PIP5K1B: variants seen among roughly 807,000 people sequenced by gnomAD.
The protein encoded by PIP5K1B is phosphatidylinositol 4-phosphate 5-kinase type-1 beta.
A neutral mutation model predicts 67.0 loss-of-function variants in PIP5K1B; 42 were observed. The ratio of observed to expected loss-of-function variants is 0.63; its 90% CI spans 0.49 to 0.81. The LOEUF (loss-of-function observed/expected upper bound fraction) is 0.81. Among genes scored for constraint, PIP5K1B ranks in the 30% least tolerant of loss-of-function variants. PIP5K1B has a pLI of 0.00. For synonymous variants in PIP5K1B, 214 were observed against 231.4 expected, an observed-to-expected ratio of 0.92 and a Z score of 0.68; for missense variants, 459 against 646.3, an observed-to-expected ratio of 0.71 and a Z score of 3.14.
chr9:68,783,877 T>C (rs1831450603), intron 2 of PIP5K1B: 1 of 167,090 alleles, frequency 6.0e-6, no homozygotes, highest in Non-Finnish European at 1.5e-5. Flanking sequence ...ATCTCCCAGC[T>C]GAACGCTTTT....
chr9:68,801,939 C>T (rs1832625038), intron 2 of PIP5K1B, among the ~76,000 whole-genome samples: 2 of 152,212 alleles, frequency 1.3e-5, no homozygotes, highest in Non-Finnish European at 2.9e-5. Context: ...GTTACCATCA[C>T]AGAAAACAGC....
intron 4 of PIP5K1B, among the ~76,000 whole-genome samples, chr9:68,852,627 G>A (rs1322638767): frequency 6.6e-6 from 1 of 152,188 alleles, no homozygotes; most frequent in East Asian, 1.9e-4. Context: ...AGGGCACAGA[G>A]CAGGGTGAAG....
chr9:68,784,139 G>C (rs1831470397), intron 2 of PIP5K1B: 1 of 167,062 alleles, frequency 6.0e-6, no homozygotes, highest in African/African-American at 2.4e-5. Flanking sequence ...AAGGTTCTAA[G>C]GGCATGTGGA....
intron 15 of PIP5K1B, among the ~76,000 whole-genome samples, chr9:69,003,478 A>AG (rs67726971): frequency 7.0e-6 from 1 of 142,204 alleles, no homozygotes; most frequent in African/African-American, 2.6e-5. Flanking sequence ...AAAAAAAAAA[A>AG]GGGGGGGGGA....
intron 2 of PIP5K1B, among the ~76,000 whole-genome samples, chr9:68,806,593 G>A (rs777659168): frequency 6.6e-6 from 1 of 152,142 alleles, no homozygotes. Context: ...CTAGCCCGCC[G>A]CTAATCATCC....
chr9:68,861,358 T>A (rs949396901), intron 4 of PIP5K1B, among the ~76,000 whole-genome samples: 1 of 152,230 alleles, frequency 6.6e-6, no homozygotes, highest in African/African-American at 2.4e-5. Context: ...TCTGGGGACA[T>A]GACCGTCATC....
intron 1 of PIP5K1B, among the ~76,000 whole-genome samples, chr9:68,708,528 T>C (rs1056945974): frequency 1.5e-5 from 2 of 135,426 alleles, no homozygotes; most frequent in Non-Finnish European, 3.1e-5. Context: ...TATGTTATGC[T>C]CTTTTGTTTG....
intron 6 of PIP5K1B, among the ~76,000 whole-genome samples, chr9:68,888,320 GC>G (rs770890317): frequency 3.3e-5 from 5 of 152,176 alleles, no homozygotes; most frequent in African/African-American, 1.2e-4. Flanking sequence ...CTAGCCCAGA[GC>G]TGCATCTACC....
intron 2 of PIP5K1B, among the ~76,000 whole-genome samples, chr9:68,817,708 C>T (rs113778653): frequency 7.1e-6 from 1 of 141,794 alleles, no homozygotes; most frequent in African/African-American, 2.6e-5. Context: ...GATAAGACCT[C>T]ATTCTTTTTT....
intron 15 of PIP5K1B, among the ~76,000 whole-genome samples, chr9:69,005,857 T>C (rs1244794154): frequency 6.6e-6 from 1 of 151,708 alleles, no homozygotes; most frequent in Non-Finnish European, 1.5e-5. Context: ...AACTGCTCCT[T>C]CTTTAGTGAC....
At chr9:68,840,514 C>A (rs1459255253) in intron 4 of PIP5K1B, among the ~76,000 whole-genome samples, 1 of 152,168 alleles carries the variant, frequency 6.6e-6, no homozygotes, top group Non-Finnish European at 1.5e-5. Flanking sequence ...ATTTAGTATT[C>A]TTCTGGCTGG....
chr9:68,823,699 CTA>C (rs1300510690), intron 4 of PIP5K1B, among the ~76,000 whole-genome samples: 8 of 152,148 alleles, frequency 5.3e-5, no homozygotes, highest in South Asian at 2.1e-4. Context: ...AAAGTTCTTG[CTA>C]TTTTGCCCTC....
chr9:68,760,425 G>A (rs778724585), intron 2 of PIP5K1B, among the ~76,000 whole-genome samples: 1 of 152,128 alleles, frequency 6.6e-6, no homozygotes, highest in Non-Finnish European at 1.5e-5. Context: ...ACAGTGAAAC[G>A]TGGGAGTTAA....
intron 2 of PIP5K1B, among the ~76,000 whole-genome samples, chr9:68,811,968 G>A (rs556123192): frequency 1.1e-4 from 16 of 152,274 alleles, no homozygotes; most frequent in Middle Eastern, 3.4e-3. Context: ...GGCCCCAGAA[G>A]CTGAATTTTC....
At position 68,840,644 on chromosome 9, in the gene PIP5K1B, A is replaced by G. The variant is rs960258416; in HGVS notation, c.69+17961A>G. On this transcript the variant is annotated intron_variant, in intron 4 of 15. Coordinates refer to ENST00000265382, the MANE Select transcript of PIP5K1B (RefSeq NM_003558.4). ...GCCGCTTCCTTCACCTTTAAAGCCA[A>G]CAATGGCAGATTGAGTCCCTCTTAC... is the stretch of plus-strand genomic sequence containing the variant. Among the ~76,000 whole-genome samples the G allele has an allele frequency of 3.4e-4, 51 of 152,186 alleles. 1 individual carries two copies. The highest frequency in any genetic ancestry group is 1.0e-4 in the Non-Finnish European group (7 of 68,036).
intron 8 of PIP5K1B, among the ~76,000 whole-genome samples, chr9:68,897,356 C>T (rs554623233): frequency 1.3e-5 from 2 of 152,264 alleles, no homozygotes; most frequent in Admixed American, 1.3e-4. Flanking sequence ...AGGTGCACGA[C>T]CTTTATTTTT....
At chr9:68,850,553 T>C (rs894897297) in intron 4 of PIP5K1B, among the ~76,000 whole-genome samples, 1 of 152,190 alleles carries the variant, frequency 6.6e-6, no homozygotes, top group Non-Finnish European at 1.5e-5. Flanking sequence ...GAACAACTGC[T>C]AAGTAAGAAG....
At chr9:68,937,224 T>G (rs1329964146) in intron 13 of PIP5K1B, among the ~76,000 whole-genome samples, 2 of 152,120 alleles carry the variant, frequency 1.3e-5, no homozygotes, top group Non-Finnish European at 2.9e-5. Context: ...AATTCAGCTG[T>G]GAATCTGTCT....
At chr9:68,974,673 G>A (rs1564285505) in intron 14 of PIP5K1B, among the ~76,000 whole-genome samples, 1 of 152,222 alleles carries the variant, frequency 6.6e-6, no homozygotes. Flanking sequence ...AGCCACGAAT[G>A]AGAGAACTTT....
Sources: gnomAD v4.1 joint callset for allele counts (sites outside exome capture counted in the v4.1 genomes callset) on GRCh38, gnomAD v4.1.1 for gene constraint, MANE v1.5 for transcripts, NCBI Gene and HGNC (gene_info 2026-07-23, HGNC 2026-07-21) for gene names.